The following PINX1 variants were observed in gnomAD, a reference collection of about 807,000 sequenced individuals.
The protein encoded by PINX1 is PIN2 (TERF1) interacting telomerase inhibitor 1, also known as PIN2/TERF1-interacting telomerase inhibitor 1.
In PINX1, 34 loss-of-function variants were observed where a neutral mutation model predicts 25.4. The observed-to-expected ratio is 1.34, with a 90% CI of 1.02 to 1.78. PINX1 has a LOEUF of 1.78. Among genes scored for constraint, PINX1 ranks in the 40% most tolerant of loss-of-function variants. The probability of loss-of-function intolerance (pLI) is 0.00; values close to 1 mark genes in which losing one functional copy is unlikely to be tolerated. For missense variants in PINX1, 592 were observed against 404.9 expected, an observed-to-expected ratio of 1.46 and a Z score of -3.97; for synonymous variants, 197 against 147.7, an observed-to-expected ratio of 1.33 and a Z score of -2.42.
chr8:10,811,261 T>C (rs1043585780), intron 6 of PINX1, among the ~76,000 whole-genome samples: 3 of 152,302 alleles, frequency 2.0e-5, no homozygotes, highest in Middle Eastern at 3.4e-3. Flanking sequence ...TGCAGGCATA[T>C]GAAACGAGAT....
intron 6 of PINX1, among the ~76,000 whole-genome samples, chr8:10,790,399 G>T (rs527696469): frequency 6.6e-6 from 1 of 152,262 alleles, no homozygotes; most frequent in South Asian, 2.1e-4. Context: ...TTAACAGCAC[G>T]AGCGATGAGA....
chr8:10,815,188 C>A (rs541952143), intron 6 of PINX1, among the ~76,000 whole-genome samples: 1 of 152,160 alleles, frequency 6.6e-6, no homozygotes, highest in Non-Finnish European at 1.5e-5. Flanking sequence ...GCAATCCTCC[C>A]GCCTCGGCCT....
intron 6 of PINX1, chr8:10,787,448 C>T (rs1024760582): frequency 5.8e-6 from 1 of 171,142 alleles, no homozygotes. Context: ...GGGCTGGTCT[C>T]CAACTCCTGG....
chr8:10,816,001 C>G (rs1418387000), intron 6 of PINX1, among the ~76,000 whole-genome samples: 1 of 152,160 alleles, frequency 6.6e-6, no homozygotes, highest in Non-Finnish European at 1.5e-5. Context: ...GGTCTGTACA[C>G]ACGATATTCC....
At chr8:10,822,695 C>G (rs1241705961) in intron 5 of PINX1, among the ~76,000 whole-genome samples, 2 of 152,162 alleles carry the variant, frequency 1.3e-5, no homozygotes, top group Non-Finnish European at 2.9e-5. Flanking sequence ...CTAAAACTTT[C>G]ATTGACACGA....
In PINX1 at chr8:10,765,733, C is replaced by T. The variant is rs1465623291; in HGVS notation, c.655G>A (p.Ala219Thr). 1.9e-6 allele frequency: 3 copies of T among 1,613,990 alleles called. No homozygotes were observed. The highest frequency in any genetic ancestry group is 2.5e-6 in the Non-Finnish European group (3 of 1,179,868). ...RKRGKKRNKE[A>T]TGKDVESYLQ... ...TAACTTTCCACATCTTTACCTGTGG[C>T]CTCTTTATTTCTTTTCTTCCCCCTT... Residue 219 changes from alanine to threonine, a missense_variant, in exon 7 of 7, where the codon GCC becomes ACC. Coordinates refer to ENST00000314787, the MANE Select transcript of PINX1 (RefSeq NM_017884.6).
intron 6 of PINX1, among the ~76,000 whole-genome samples, chr8:10,796,028 C>T (rs1261950044): frequency 6.6e-6 from 1 of 152,144 alleles, no homozygotes; most frequent in Non-Finnish European, 1.5e-5. Flanking sequence ...TTTCAAAAAG[C>T]GAACTGGCTG....
intron 6 of PINX1, 57 bp from the exon 7 acceptor site, chr8:10,765,973 G>T (rs564906617): frequency 2.0e-5 from 31 of 1,543,486 alleles, no homozygotes; most frequent in Non-Finnish European, 2.5e-5. Context: ...ATCCCTCACC[G>T]CACCCAGGAG....
At chr8:10,807,618 G>A (rs1373963442) in intron 6 of PINX1, among the ~76,000 whole-genome samples, 1 of 152,032 alleles carries the variant, frequency 6.6e-6, no homozygotes, top group Admixed American at 6.6e-5. Flanking sequence ...AGATAAACAG[G>A]TCTGTGCTAA....
intron 6 of PINX1, among the ~76,000 whole-genome samples, chr8:10,790,525 C>T (rs1229644225): frequency 6.6e-6 from 1 of 152,150 alleles, no homozygotes; most frequent in East Asian, 1.9e-4. Flanking sequence ...AGCCGTGTCA[C>T]CATCCATCCA....
chr8:10,791,666 G>A (rs1201337904), intron 6 of PINX1, among the ~76,000 whole-genome samples: 1 of 152,198 alleles, frequency 6.6e-6, no homozygotes, highest in African/African-American at 2.4e-5. Flanking sequence ...GGGAGCTCCA[G>A]CCCCCATCTT....
intron 6 of PINX1, among the ~76,000 whole-genome samples, chr8:10,767,489 C>A (rs7350075): frequency 0.28 from 43,022 of 151,958 alleles, 6,516 homozygotes; most frequent in African/African-American, 0.33. Context: ...TTTTGGGAAG[C>A]AGTTTTAATT....
intron 6 of PINX1, among the ~76,000 whole-genome samples, chr8:10,766,576 T>A (rs918577782): frequency 2.0e-5 from 3 of 152,346 alleles, no homozygotes; most frequent in South Asian, 4.1e-4. Context: ...ACAGGCCAGC[T>A]TGGGGGCTTC....
At chr8:10,779,711 G>C (rs1183788392) in intron 6 of PINX1, among the ~76,000 whole-genome samples, 1 of 152,156 alleles carries the variant, frequency 6.6e-6, no homozygotes, top group African/African-American at 2.4e-5. Flanking sequence ...AAGATGAGTG[G>C]GGTTAAGTAC....
chr8:10,823,372 T>C (rs2129086775), intron 5 of PINX1, among the ~76,000 whole-genome samples: 1 of 152,256 alleles, frequency 6.6e-6, no homozygotes, highest in Admixed American at 6.5e-5. Context: ...ATCCAACAAC[T>C]GCATAACTGA....
chr8:10,785,197 CAG>C (rs1563208603), intron 6 of PINX1, among the ~76,000 whole-genome samples: 1 of 152,184 alleles, frequency 6.6e-6, no homozygotes, highest in Non-Finnish European at 1.5e-5. Flanking sequence ...AATTTAAAGA[CAG>C]ATAAGCATCA....
intron 6 of PINX1, among the ~76,000 whole-genome samples, chr8:10,783,958 G>C (rs1273714468): frequency 6.6e-6 from 1 of 152,144 alleles, no homozygotes; most frequent in African/African-American, 2.4e-5. Flanking sequence ...AAAGACAGCT[G>C]ATTTTATTCA....
chr8:10,832,231 T>G (rs963032315), intron 3 of PINX1, among the ~76,000 whole-genome samples: 6 of 152,104 alleles, frequency 3.9e-5, no homozygotes, highest in Non-Finnish European at 7.4e-5. Flanking sequence ...GAACCTTAAG[T>G]CCCCTGAATC....
chr8:10,801,709 C>G (rs778950914), intron 6 of PINX1, among the ~76,000 whole-genome samples: 1 of 152,144 alleles, frequency 6.6e-6, no homozygotes, highest in South Asian at 2.1e-4. Context: ...GCAATCAGAC[C>G]TTACAGAACT....
Sources: allele counts gnomAD v4.1 joint callset (sites outside exome capture counted in the v4.1 genomes callset), GRCh38; gene constraint gnomAD v4.1.1; transcripts MANE v1.5; gene names NCBI Gene and HGNC (gene_info 2026-07-23, HGNC 2026-07-21).